Variants in SMARCAD1 observed in about 807,000 individuals in gnomAD.
The protein encoded by SMARCAD1 is SNF2 related chromatin remodeling ATPase with DExD box 1.
Under a neutral mutation model 127.1 loss-of-function variants are expected in SMARCAD1, and 25 were observed. The ratio of observed to expected loss-of-function variants is 0.20; its 90% confidence interval spans 0.14 to 0.27. SMARCAD1 has a LOEUF of 0.27. SMARCAD1 is among the 10% of genes least tolerant of loss of function. SMARCAD1 has a pLI of 1.00. For synonymous variants in SMARCAD1, 400 were observed against 396.9 expected (o/e 1.01, Z -0.09); for missense variants, 807 against 1,206.0 (o/e 0.67, Z 4.90).
At chr4:94,250,629 C>A in intron 7 of SMARCAD1, 123 bp from the exon 8 acceptor site, 1 of 616,312 alleles carries the variant, frequency 1.6e-6, no homozygotes, top group Non-Finnish European at 2.8e-6. Context: ...AAAACAAGTG[C>A]AAAATAATCA....
At chr4:94,273,769 A>G (rs1752873609) in intron 12 of SMARCAD1, 53 bp downstream of exon 12, 1 of 1,400,262 alleles carries the variant, frequency 7.1e-7, no homozygotes, top group African/African-American at 1.4e-5. Flanking sequence ...TTATATAGGT[A>G]GAAGAGAGTG....
intron 9 of SMARCAD1, among the ~76,000 whole-genome samples, chr4:94,258,521 A>G (rs983249377): frequency 2.6e-5 from 4 of 152,224 alleles, no homozygotes; most frequent in Admixed American, 1.3e-4. Context: ...TCTGATTTGG[A>G]AGTGGCCTTA....
At chr4:94,224,259 A>G (rs1441463064) in intron 2 of SMARCAD1, among the ~76,000 whole-genome samples, 3 of 152,188 alleles carry the variant, frequency 2.0e-5, no homozygotes, top group African/African-American at 4.8e-5. Flanking sequence ...CTAGGACTGC[A>G]TTGTAGGAAA....
At chr4:94,229,377 T>C (rs2129597) in intron 3 of SMARCAD1, among the ~76,000 whole-genome samples, 1 of 152,192 alleles carries the variant, frequency 6.6e-6, no homozygotes, top group African/African-American at 2.4e-5. Context: ...ATTTATGTGG[T>C]ACAATAAATA....
Position 94,285,014 on chromosome 4 carries a change from A to G in SMARCAD1, c.2964A>G (p.Leu988=), listed in dbSNP as rs774729420. The change falls in exon 23 of 24, where the codon CTA becomes CTG. Residue 988 remains leucine (L), a synonymous_variant. Coordinates refer to ENST00000354268, the MANE Select transcript of SMARCAD1 (RefSeq NM_020159.5). Reference sequence around the variant, plus strand: ...AAGGGACGATTGAAGAATCCATGCTAAAAATTAACCAACAGAAATTGAAAC... The same window carrying G: ...AAGGGACGATTGAAGAATCCATGCTGAAAATTAACCAACAGAAATTGAAAC... ...ISQGTIEESM[L]KINQQKLKLE... 9.9e-6 allele frequency: 16 copies of G among 1,613,250 alleles called. No individual in the cohort carries two copies. Among genetic ancestry groups the G allele is most frequent in the Non-Finnish European group, 1.3e-5 (15 of 1,179,468 alleles).
At position 94,291,074 on chromosome 4, in the gene SMARCAD1, T is replaced by C. The variant is rs1486182434; in HGVS notation, c.*1540T>C. 2.2e-6 allele frequency: 1 copy of C among 447,232 alleles called. No homozygotes were observed. The highest frequency in any genetic ancestry group is 2.0e-5 in the African/African-American group (1 of 49,504). 27.7% of individuals were successfully genotyped at this position (447,232 alleles called of 1,614,324 possible). On this transcript the variant is annotated 3_prime_UTR_variant, in exon 24 of 24. Transcript: ENST00000354268. ...CTCCTTGTACATCACTATACCCAAA[T>C]CAGTTATTCAAATTGTTAGGAATTT... is the stretch of plus-strand genomic sequence containing the variant.
At chr4:94,253,446 C>G (rs895319184) in intron 9 of SMARCAD1, 2 of 1,189,340 alleles carry the variant, frequency 1.7e-6, no homozygotes, top group South Asian at 1.6e-5. Flanking sequence ...CTCCATGATT[C>G]AAAATGCCAG....
intron 9 of SMARCAD1, among the ~76,000 whole-genome samples, chr4:94,263,547 T>C (rs1387160475): frequency 1.3e-5 from 2 of 152,038 alleles, no homozygotes; most frequent in Non-Finnish European, 2.9e-5. Flanking sequence ...TCCAAGTTAT[T>C]CTAGGATAAA....
intron 9 of SMARCAD1, among the ~76,000 whole-genome samples, chr4:94,261,539 A>G (rs997694139): frequency 2.0e-5 from 3 of 152,248 alleles, no homozygotes; most frequent in Non-Finnish European, 4.4e-5. Context: ...AGAACTGTCC[A>G]TGAGAAATAC....
In SMARCAD1 at chr4:94,250,216, G is replaced by A. The variant is rs1019630825; in HGVS notation, c.807+461G>A. ...CATTAAAAAAAAAGACTCATGCCAC[G>A]CATCCTGTTGCTAAAAGGCCCTCTG... On this transcript the variant is annotated intron_variant, in intron 7 of 23. Coordinates refer to ENST00000354268, the MANE Select transcript of SMARCAD1 (RefSeq NM_020159.5). 2.6e-5 allele frequency among the ~76,000 whole-genome samples: 4 copies of A among 151,424 alleles called. No individual in the cohort carries two copies. The South Asian group carries it at 8.3e-4, about 32-fold the overall frequency.
Position 94,226,275 on chromosome 4 carries a change from A to G in SMARCAD1, c.347A>G (p.Asn116Ser), listed in dbSNP as rs559024349. 9.3e-6 allele frequency: 15 copies of G among 1,612,868 alleles called. No homozygotes were observed. The East Asian group carries it at 2.9e-4, about 31-fold the overall frequency. Residue 116 changes from asparagine to serine, a missense_variant, in exon 3 of 24, where the codon AAC becomes AGC. Physicochemically the swap from Asn to Ser is conservative, Grantham distance 46. Coordinates refer to ENST00000354268, the MANE Select transcript of SMARCAD1 (RefSeq NM_020159.5). ...AATACAGTTCAAGAGAAAACATTCA[A>G]CAAAGATACAGTGATTATAGTGTAA... ...CSNTVQEKTF[N>S]KDTVIIVSEP...
chr4:94,261,190 C>T (rs941293738), intron 9 of SMARCAD1, among the ~76,000 whole-genome samples: 1 of 150,678 alleles, frequency 6.6e-6, no homozygotes, highest in African/African-American at 2.4e-5. Context: ...CAGTGTGCTT[C>T]AGCTTCACTT....
intron 8 of SMARCAD1, among the ~76,000 whole-genome samples, chr4:94,251,536 T>C (rs1363187366): frequency 2.6e-5 from 4 of 152,170 alleles, no homozygotes; most frequent in Non-Finnish European, 5.9e-5. Flanking sequence ...CCACCAAATA[T>C]GAGTTTGAAA....
chr4:94,269,478 C>A (rs1362787295), intron 10 of SMARCAD1, among the ~76,000 whole-genome samples: 2 of 150,370 alleles, frequency 1.3e-5, no homozygotes, highest in Non-Finnish European at 1.5e-5. Flanking sequence ...AGCTATGCAA[C>A]CTCAGGCAAA....
intron 9 of SMARCAD1, among the ~76,000 whole-genome samples, chr4:94,262,348 CTTCA>C (rs1257312847): frequency 6.6e-6 from 1 of 152,186 alleles, no homozygotes; most frequent in Non-Finnish European, 1.5e-5. Flanking sequence ...AGGCTTAACT[CTTCA>C]TTCATCTCCC....
chr4:94,241,131 AT>A, intron 6 of SMARCAD1, 125 bp downstream of exon 6: 1 of 684,242 alleles, frequency 1.5e-6, no homozygotes, highest in Non-Finnish European at 2.6e-6. Context: ...AACTAAGGGA[AT>A]TTACGTCTAC....
intron 5 of SMARCAD1, among the ~76,000 whole-genome samples, chr4:94,239,798 C>T (rs1379745725): frequency 3.9e-5 from 6 of 152,104 alleles, no homozygotes; most frequent in Admixed American, 3.3e-4. Context: ...ATCTCGAACT[C>T]CTGAGCCCCA....
rs1006653429 is a variant in SMARCAD1 at position 94,221,981 on chromosome 4, T to TG, written c.191-4132dup. Among the ~76,000 whole-genome samples the TG allele has an allele frequency of 2.0e-5, 3 of 152,202 alleles. No individual in the cohort carries two copies. In the South Asian group the frequency reaches 6.2e-4, roughly 32 times the overall value. On this transcript the variant is annotated intron_variant, in intron 2 of 23. Coordinates refer to ENST00000354268, the MANE Select transcript of SMARCAD1 (RefSeq NM_020159.5). ...TTTAGGGGAGTCACTAGGAGACATA[T>TG]GGGGGGTGTAAAACTGGTGGAAGAT...
At chr4:94,209,665 G>A (rs1365818267) in intron 2 of SMARCAD1, among the ~76,000 whole-genome samples, 4 of 152,124 alleles carry the variant, frequency 2.6e-5, no homozygotes, top group Admixed American at 2.0e-4. Flanking sequence ...AAATACTTTG[G>A]TGTAATTGGA....
Sources: allele counts gnomAD v4.1 joint callset (sites outside exome capture counted in the v4.1 genomes callset), GRCh38; gene constraint gnomAD v4.1.1; transcripts MANE v1.5; gene names NCBI Gene and HGNC (gene_info 2026-07-23, HGNC 2026-07-21).